Variants in FHOD3 observed in about 807,000 individuals in gnomAD.
FHOD3 encodes formin homology 2 domain containing 3.
In FHOD3, 90 loss-of-function variants were observed where a neutral mutation model predicts 173.0. The ratio of observed to expected loss-of-function variants is 0.52; its 90% confidence interval spans 0.44 to 0.62. The LOEUF is 0.62. FHOD3 is among the 20% of genes least tolerant of loss of function. The pLI is 0.00. For missense variants in FHOD3, 1,945 were observed against 2,034.7 expected, an observed-to-expected ratio of 0.96 and a Z score of 0.85; for synonymous variants, 828 against 823.0, an observed-to-expected ratio of 1.01 and a Z score of -0.10.
chr18:36,366,524 C>G (rs2046907479), intron 2 of FHOD3, among the ~76,000 whole-genome samples: 1 of 152,172 alleles, frequency 6.6e-6, no homozygotes, highest in Non-Finnish European at 1.5e-5. Flanking sequence ...GACAATAAAG[C>G]CAAGGCTCAG....
chr18:36,596,927 G>A (rs1223109158), intron 7 of FHOD3, among the ~76,000 whole-genome samples: 2 of 152,188 alleles, frequency 1.3e-5, no homozygotes, highest in East Asian at 1.9e-4. Context: ...CAGTCAATTA[G>A]GTATAAGGTC....
intron 3 of FHOD3, among the ~76,000 whole-genome samples, chr18:36,459,323 A>G (rs1369585805): frequency 6.6e-6 from 1 of 152,250 alleles, no homozygotes; most frequent in Non-Finnish European, 1.5e-5. Context: ...AAGGTGGAAA[A>G]TAAGTACATT....
intron 2 of FHOD3, among the ~76,000 whole-genome samples, chr18:36,360,417 CTG>C (rs1169622157): frequency 6.6e-6 from 1 of 152,242 alleles, no homozygotes; most frequent in Non-Finnish European, 1.5e-5. Flanking sequence ...TGCTTACTGG[CTG>C]TGTCATGCTG....
chr18:36,643,016 C>T, intron 10 of FHOD3, among the ~76,000 whole-genome samples: 1 of 151,378 alleles, frequency 6.6e-6, no homozygotes, highest in African/African-American at 2.4e-5. Flanking sequence ...GTATGTTCTT[C>T]TTGGACTTGT....
At chr18:36,441,801 C>T (rs959762563) in intron 3 of FHOD3, among the ~76,000 whole-genome samples, 7 of 152,196 alleles carry the variant, frequency 4.6e-5, no homozygotes, top group African/African-American at 1.2e-4. Flanking sequence ...AATGTACCTC[C>T]TCATGGAATC....
intron 1 of FHOD3, among the ~76,000 whole-genome samples, chr18:36,352,349 A>G (rs2046170285): frequency 6.6e-6 from 1 of 152,246 alleles, no homozygotes; most frequent in Non-Finnish European, 1.5e-5. Context: ...CAAAGGTTAT[A>G]GACATTCACA....
chr18:36,327,839 A>G (rs9957550), intron 1 of FHOD3, among the ~76,000 whole-genome samples: 6,245 of 152,298 alleles, frequency 0.041, 447 homozygotes, highest in African/African-American at 0.14. Context: ...CTCTGTGGCA[A>G]TGACTCAACT....
chr18:36,530,635 A>C (rs1480940387), intron 5 of FHOD3, among the ~76,000 whole-genome samples: 1 of 152,170 alleles, frequency 6.6e-6, no homozygotes, highest in Non-Finnish European at 1.5e-5. Context: ...CATTTAGGTA[A>C]TATCCAGGTT....
intron 8 of FHOD3, among the ~76,000 whole-genome samples, 163 bp from the exon 9 acceptor site, chr18:36,611,789 G>A (rs1290883521): frequency 6.6e-6 from 1 of 152,192 alleles, no homozygotes; most frequent in Non-Finnish European, 1.5e-5. Context: ...CATTCTGCCT[G>A]CCACACTGAA....
intron 27 of FHOD3, among the ~76,000 whole-genome samples, chr18:36,766,639 G>A: frequency 6.6e-6 from 1 of 152,196 alleles, no homozygotes; most frequent in East Asian, 1.9e-4. Context: ...CGGACATAAA[G>A]TAGAACCAGG....
intron 3 of FHOD3, among the ~76,000 whole-genome samples, chr18:36,498,435 A>G (rs1268275870): frequency 6.6e-6 from 1 of 152,204 alleles, no homozygotes; most frequent in Non-Finnish European, 1.5e-5. Flanking sequence ...ATTTCTAGTC[A>G]CTGACCAAGT....
At chr18:36,347,838 T>A (rs1326052983) in intron 1 of FHOD3, among the ~76,000 whole-genome samples, 1 of 152,266 alleles carries the variant, frequency 6.6e-6, no homozygotes, top group African/African-American at 2.4e-5. Context: ...CTTGTATTTT[T>A]AAAATATGTA....
intron 5 of FHOD3, among the ~76,000 whole-genome samples, chr18:36,519,926 T>C (rs1289385013): frequency 2.0e-5 from 3 of 151,810 alleles, no homozygotes; most frequent in Admixed American, 6.6e-5. Context: ...TGGGTAACTT[T>C]AGTTTATGAA....
rs1322865226 is a variant in FHOD3 at position 36,670,433 on chromosome 18, A to G, written c.1836-11003A>G. Reference sequence around the variant, plus strand: ...CTGTTGATTTTTTTCATTTTGCTTCATTTTGAATGTGTTTCATTTTGAATA... The same window carrying G: ...CTGTTGATTTTTTTCATTTTGCTTCGTTTTGAATGTGTTTCATTTTGAATA... On this transcript the variant is annotated intron_variant, in intron 14 of 28. Coordinates refer to ENST00000590592, the MANE Select transcript of FHOD3 (RefSeq NM_001281740.3). Among the ~76,000 whole-genome samples the G allele has an allele frequency of 3.3e-5, 5 of 151,874 alleles. No homozygotes were observed. The South Asian group carries it at 8.3e-4, about 25-fold the overall frequency.
At chr18:36,711,440 T>C (rs1333811269) in intron 18 of FHOD3, 2 of 152,264 alleles carry the variant, frequency 1.3e-5, no homozygotes, top group Non-Finnish European at 2.9e-5. Flanking sequence ...TGTGAGAAGC[T>C]TTATCATAAC....
At chr18:36,770,200 A>G (rs1357450563) in intron 28 of FHOD3, among the ~76,000 whole-genome samples, 3 of 152,204 alleles carry the variant, frequency 2.0e-5, no homozygotes, top group Non-Finnish European at 4.4e-5. Flanking sequence ...GGGTCACTCT[A>G]GAGGCTGCTT....
At chr18:36,526,173 C>T (rs1305280047) in intron 5 of FHOD3, among the ~76,000 whole-genome samples, 2 of 152,192 alleles carry the variant, frequency 1.3e-5, no homozygotes, top group Middle Eastern at 3.2e-3. Flanking sequence ...GGCCCCTCGT[C>T]GTAAGGAACT....
chr18:36,522,766 G>A (rs1478411451), intron 5 of FHOD3, among the ~76,000 whole-genome samples: 1 of 152,166 alleles, frequency 6.6e-6, no homozygotes, highest in Admixed American at 6.5e-5. Context: ...TGATCTTGTT[G>A]AGTGTTTTAT....
chr18:36,355,887 C>T (rs2046337250), intron 2 of FHOD3, among the ~76,000 whole-genome samples: 2 of 152,306 alleles, frequency 1.3e-5, no homozygotes, highest in South Asian at 2.1e-4. Context: ...GGTAATCAAG[C>T]ACATGGTATT....
Sources: gnomAD v4.1 joint callset for allele counts (sites outside exome capture counted in the v4.1 genomes callset) on GRCh38, gnomAD v4.1.1 for gene constraint, MANE v1.5 for transcripts, NCBI Gene and HGNC (gene_info 2026-07-23, HGNC 2026-07-21) for gene names.